The following ACVR1 variants were observed in gnomAD, a reference collection of about 807,000 sequenced individuals.
ACVR1 encodes the protein activin A receptor type 1.
In ACVR1, 38 loss-of-function variants were observed where a neutral mutation model predicts 57.1. That is an observed-to-expected ratio of 0.67 (90% CI 0.51 to 0.87). ACVR1 has a LOEUF of 0.87. Ranked by LOEUF, ACVR1 falls within the 40% of genes least tolerant of loss-of-function variation. ACVR1 has a pLI of 0.00. For synonymous variants in ACVR1, 212 were observed against 228.1 expected, an observed-to-expected ratio of 0.93 and a Z score of 0.63; for missense variants, 463 against 638.2, an observed-to-expected ratio of 0.73 and a Z score of 2.96.
intron 1 of ACVR1, among the ~76,000 whole-genome samples, chr2:157,851,876 C>G (rs1274720667): frequency 2.9e-4 from 1 of 3,450 alleles, no homozygotes; most frequent in African/African-American, 3.7e-4. Context: ...CACACACACA[C>G]ACACACACAC....
intron 9 of ACVR1, among the ~76,000 whole-genome samples, chr2:157,739,191 G>A (rs1295299866): frequency 6.6e-6 from 1 of 152,098 alleles, no homozygotes; most frequent in African/African-American, 2.4e-5. Flanking sequence ...TCTAACTACA[G>A]GCACAGCTGT....
intron 9 of ACVR1, among the ~76,000 whole-genome samples, chr2:157,755,671 A>C (rs1226374782): frequency 1.3e-5 from 2 of 152,176 alleles, no homozygotes; most frequent in African/African-American, 4.8e-5. Context: ...CAGATGACAC[A>C]AACAAATGGA....
At chr2:157,776,134 T>A (rs1396613415) in intron 5 of ACVR1, among the ~76,000 whole-genome samples, 1 of 152,248 alleles carries the variant, frequency 6.6e-6, no homozygotes, top group Non-Finnish European at 1.5e-5. Flanking sequence ...AATGACAACT[T>A]GTTTTAAATA....
intron 1 of ACVR1, among the ~76,000 whole-genome samples, chr2:157,835,546 C>G (rs1385351477): frequency 1.3e-5 from 2 of 152,158 alleles, no homozygotes; most frequent in East Asian, 3.8e-4. Flanking sequence ...CTAAAACATA[C>G]AGTTCTTTGA....
Position 157,765,983 on chromosome 2 carries a change from C to A in ACVR1, c.1004G>T (p.Arg335Leu). The change falls in exon 8 of 11, where the codon CGA becomes CTA. Residue 335 changes from arginine (R) to leucine (L), a missense_variant. By Grantham distance (102) the Arg-to-Leu change is moderately radical. This residue lies in a region of ACVR1 where 114 missense variants were observed against 216.2 expected (regional missense o/e 0.53). Coordinates refer to ENST00000434821, the MANE Select transcript of ACVR1 (RefSeq NM_001111067.4). ...CAGAATATTTTTGCTCTTTAAATCTCGATGGGCAATGGCTGGTTTCCCTTG... is the reference window on the plus strand; with the variant it reads ...CAGAATATTTTTGCTCTTTAAATCTAGATGGGCAATGGCTGGTTTCCCTTG... Reference protein sequence around the residue: ...GTQGKPAIAHRDLKSKNILVK... With the variant: ...GTQGKPAIAHLDLKSKNILVK... 6.2e-7 allele frequency: 1 copy of A among 1,614,094 alleles called. No homozygotes were observed. Among genetic ancestry groups the A allele is most frequent in the Non-Finnish European group, 8.5e-7 (1 of 1,179,990 alleles).
At position 157,780,356 on chromosome 2, in the gene ACVR1, C is replaced by T. The variant is rs749893446; in HGVS notation, c.312G>A (p.Thr104=). 9.2e-5 allele frequency: 148 copies of T among 1,614,064 alleles called. No homozygotes were observed. The highest frequency in any genetic ancestry group is 6.1e-5 in the Non-Finnish European group (72 of 1,180,024). The change falls in exon 4 of 11, where the codon ACG becomes ACA. Residue 104 remains threonine (T), a synonymous_variant. Transcript: ENST00000434821. ...CQGDWCNRNI[T]AQLPTKGKSF... ...GGGAACCTTTAGTGGGCAGCTGGGC[C>T]GTGATGTTCCTGTTACACCAGTCCC...
intron 3 of ACVR1, among the ~76,000 whole-genome samples, chr2:157,797,214 G>C (rs1325344455): frequency 1.3e-5 from 2 of 152,188 alleles, no homozygotes; most frequent in African/African-American, 4.8e-5. Flanking sequence ...ATGTCATTAA[G>C]TATGAGAAGG....
At chr2:157,801,927 C>T (rs1442463820) in intron 2 of ACVR1, among the ~76,000 whole-genome samples, 2 of 152,178 alleles carry the variant, frequency 1.3e-5, no homozygotes, top group Non-Finnish European at 2.9e-5. Flanking sequence ...CTATGTGCTA[C>T]ATATTAGGAA....
Position 157,834,153 on chromosome 2 carries a change from G to A in ACVR1, c.-182-15594C>T, listed in dbSNP as rs576447483. ...GTCGCCCAGGCTGGAGTGCAGTGGC[G>A]TGACCTCGGCTCACTGCAACCTCTG... On this transcript the variant is annotated intron_variant, in intron 1 of 10. Coordinates refer to ENST00000434821, the MANE Select transcript of ACVR1 (RefSeq NM_001111067.4). Among the ~76,000 whole-genome samples, 7 of 152,224 alleles carry A rather than the reference G, an allele frequency of 4.6e-5. No individual in the cohort carries two copies. In the East Asian group the frequency reaches 7.7e-4, roughly 17 times the overall value.
chr2:157,781,385 G>A (rs1686518673), intron 3 of ACVR1, among the ~76,000 whole-genome samples: 1 of 152,230 alleles, frequency 6.6e-6, no homozygotes, highest in Non-Finnish European at 1.5e-5. Context: ...GAGTTTGCAA[G>A]GCTGTACAAT....
intron 9 of ACVR1, among the ~76,000 whole-genome samples, chr2:157,758,179 C>G (rs1423839946): frequency 6.6e-6 from 1 of 151,886 alleles, no homozygotes; most frequent in Non-Finnish European, 1.5e-5. Flanking sequence ...ACAGAGGTAG[C>G]TATACTTCTA....
chr2:157,760,007 C>T (rs1685581054), intron 9 of ACVR1, among the ~76,000 whole-genome samples: 1 of 152,130 alleles, frequency 6.6e-6, no homozygotes, highest in Admixed American at 6.5e-5. Flanking sequence ...TGGGGAAAAG[C>T]TGAAAGCCTT....
intron 1 of ACVR1, 145 bp from the exon 2 acceptor site, chr2:157,818,704 GA>G (rs1473556823): frequency 1.4e-4 from 22 of 152,286 alleles, no homozygotes; most frequent in African/African-American, 5.3e-4. Context: ...AGCAAGTACA[GA>G]AAAGTTTGAA....
intron 3 of ACVR1, among the ~76,000 whole-genome samples, chr2:157,791,872 G>A (rs1686927287): frequency 6.6e-6 from 1 of 152,272 alleles, no homozygotes; most frequent in East Asian, 1.9e-4. Context: ...ATAAAAAGAA[G>A]TCATTACTGT....
intron 1 of ACVR1, among the ~76,000 whole-genome samples, chr2:157,835,849 G>A (rs551605273): frequency 4.2e-4 from 64 of 152,324 alleles, no homozygotes; most frequent in African/African-American, 1.3e-3. Flanking sequence ...GCATCCTCTA[G>A]TGAACAGAAA....
intron 7 of ACVR1, among the ~76,000 whole-genome samples, chr2:157,769,604 T>C (rs1685999267): frequency 6.6e-6 from 1 of 152,226 alleles, no homozygotes; most frequent in African/African-American, 2.4e-5. Context: ...ATTTTGGCAA[T>C]GGCCTTCCTA....
intron 9 of ACVR1, among the ~76,000 whole-genome samples, chr2:157,757,838 GGA>G (rs2105247284): frequency 6.6e-6 from 1 of 150,402 alleles, no homozygotes; most frequent in East Asian, 1.9e-4. Flanking sequence ...AAAATGAGAA[GGA>G]GAAAAAATTC....
At chr2:157,799,176 G>A (rs1015114879) in intron 3 of ACVR1, among the ~76,000 whole-genome samples, 47 of 152,078 alleles carry the variant, frequency 3.1e-4, no homozygotes, top group African/African-American at 1.1e-3. Flanking sequence ...GATTACAGGC[G>A]TGAGGCACCA....
intron 6 of ACVR1, among the ~76,000 whole-genome samples, 170 bp downstream of exon 6, chr2:157,773,918 A>G (rs1019472425): frequency 2.6e-5 from 4 of 152,198 alleles, no homozygotes; most frequent in South Asian, 2.1e-4. Flanking sequence ...TAAGAGCTTA[A>G]ACAAGTTCAG....
Sources: allele counts gnomAD v4.1 joint callset (sites outside exome capture counted in the v4.1 genomes callset), GRCh38; gene constraint gnomAD v4.1.1; regional missense constraint gnomAD v4.1.1; transcripts MANE v1.5; gene names NCBI Gene and HGNC (gene_info 2026-07-23, HGNC 2026-07-21).